The following XRCC1 variants were observed in gnomAD, a reference collection of about 807,000 sequenced individuals.
XRCC1 encodes the protein DNA repair protein XRCC1.
Under a neutral mutation model 83.3 loss-of-function variants are expected in XRCC1, and 52 were observed. The observed-to-expected ratio is 0.62, with a 90% confidence interval of 0.50 to 0.79. The LOEUF is 0.79. Ranked by LOEUF, XRCC1 falls within the 30% of genes least tolerant of loss-of-function variation. The pLI, the probability that XRCC1 is intolerant of heterozygous loss-of-function variation, is 0.00. For missense variants in XRCC1, 793 were observed against 823.5 expected (o/e 0.96, Z 0.45); for synonymous variants, 281 against 312.6 (o/e 0.90, Z 1.07).
chr19:43,571,423 C>T (rs1291486612), intron 2 of XRCC1, among the ~76,000 whole-genome samples: 1 of 152,338 alleles, frequency 6.6e-6, no homozygotes, highest in African/African-American at 2.4e-5. Flanking sequence ...TAAGTTCCTC[C>T]ATAGCACTCA....
At position 43,554,740 on chromosome 19, in the gene XRCC1, C is replaced by T. The variant is rs2228487; in HGVS notation, c.320G>A (p.Arg107His). The change falls in exon 4 of 17, where the codon CGC becomes CAC. Residue 107 changes from arginine (R) to histidine (H), a missense_variant. Physicochemically the swap from Arg to His is conservative, Grantham distance 29 (BLOSUM62 0). Transcript: ENST00000262887. ...SESRSGSNPN[R>H]VRMFGPDKLV... ...CTTGTCAGGCCCAAACATGCGAACGCGGTTGGGGTTTGAGCCACTGCGGCT... is the reference window on the plus strand; with the variant it reads ...CTTGTCAGGCCCAAACATGCGAACGTGGTTGGGGTTTGAGCCACTGCGGCT... 487 of 1,613,964 alleles carry T rather than the reference C, an allele frequency of 3.0e-4. 3 individuals carry two copies. In the South Asian group the frequency reaches 3.9e-3, roughly 13 times the overall value.
intron 6 of XRCC1, 52 bp from the exon 7 acceptor site, chr19:43,553,143 T>C: frequency 6.6e-7 from 1 of 1,510,990 alleles, no homozygotes. Context: ...CCCAAGACCC[T>C]TTCACTCCTA....
chr19:43,557,749 A>C lies in XRCC1; in HGVS notation c.256-2945T>G, dbSNP rs186512505. ...GGAGGTTGCAGTGAACCGAGATTGC[A>C]CCACTGCACTCCAGCCTGGGCAACA... On this transcript the variant is annotated intron_variant, in intron 3 of 16. Coordinates refer to ENST00000262887, the MANE Select transcript of XRCC1 (RefSeq NM_006297.3). Among the ~76,000 whole-genome samples, 364 of 135,290 alleles carry C rather than the reference A, an allele frequency of 2.7e-3. 2 individuals are homozygous for C. The highest frequency in any genetic ancestry group is 9.6e-3 in the African/African-American group (342 of 35,712). 88.8% of individuals were successfully genotyped at this position (135,290 alleles called of 152,430 possible). A position where few individuals can be genotyped will look rare whatever the true frequency, so the allele number is the denominator to read the frequency against.
intron 10 of XRCC1, 79 bp downstream of exon 10, chr19:43,551,492 G>A (rs3213368): frequency 0.075 from 94,739 of 1,268,608 alleles, 4,501 homozygotes; most frequent in Admixed American, 0.19. Flanking sequence ...CCGCTGGCAG[G>A]CCCCAGTCTG....
At chr19:43,557,307 CAAAAAAAAAAAA>C (rs33984597) in intron 3 of XRCC1, among the ~76,000 whole-genome samples, 1 of 77,866 alleles carries the variant, frequency 1.3e-5, no homozygotes, top group Non-Finnish European at 2.3e-5. Context: ...GACTCCGTCT[CAAAAAAAAAAAA>C]AAAAAAAAAA....
In XRCC1 at chr19:43,553,331, C is replaced by A. The variant is rs1281133710; in HGVS notation, c.601+70G>T. 2.6e-6 allele frequency: 4 copies of A among 1,543,954 alleles called. No individual in the cohort carries two copies. The East Asian group carries it at 6.8e-5, about 26-fold the overall frequency. ...GACCCAGGAATCTGAGCCCCAGCCC[C>A]CTCTACCCTCAGACCCACGAGTCTA... is the stretch of plus-strand genomic sequence containing the variant. On this transcript the variant is annotated intron_variant, in intron 6 of 16. Coordinates refer to ENST00000262887, the MANE Select transcript of XRCC1 (RefSeq NM_006297.3).
chr19:43,546,201 C>G, intron 12 of XRCC1, 95 bp from the exon 13 acceptor site: 1 of 1,433,864 alleles, frequency 7.0e-7, no homozygotes, highest in Non-Finnish European at 9.8e-7. Flanking sequence ...ATCTCATGCC[C>G]CCAGCCTCAA....
intron 15 of XRCC1, 100 bp from the exon 16 acceptor site, chr19:43,543,787 A>C (rs1600038936): frequency 1.8e-6 from 2 of 1,125,454 alleles, no homozygotes; most frequent in South Asian, 1.4e-5. Flanking sequence ...CACTGTCCCC[A>C]CCTATGCGCC....
Position 43,543,515 on chromosome 19 carries a change from G to C in XRCC1, c.1789-10C>G, listed in dbSNP as rs777661657. ...GGTTGTCCATCAGGGCCTGCAGGGT[G>C]GGGTGGAGTCCATACGGGAATGTGT... On this transcript the variant is annotated splice_polypyrimidine_tract_variant and intron_variant, in intron 16 of 16. Transcript: ENST00000262887. 6.8e-6 allele frequency: 11 copies of C among 1,613,696 alleles called. No homozygotes were observed. Among genetic ancestry groups the C allele is most frequent in the Non-Finnish European group, 9.3e-6 (11 of 1,179,748 alleles).
At position 43,568,374 on chromosome 19, in the gene XRCC1, G is replaced by A. The variant is rs3213284; in HGVS notation, c.144+6536C>T. ...TAGCCAAGCCTGGTGGCATGTGCCCGTAATCCCAGCTACTAGGGAGATTGA... is the reference window on the plus strand; with the variant it reads ...TAGCCAAGCCTGGTGGCATGTGCCCATAATCCCAGCTACTAGGGAGATTGA... On this transcript the variant is annotated intron_variant, in intron 2 of 16. Coordinates refer to ENST00000262887, the MANE Select transcript of XRCC1 (RefSeq NM_006297.3). 1.6e-4 allele frequency among the ~76,000 whole-genome samples: 24 copies of A among 152,084 alleles called. No individual in the cohort carries two copies. The East Asian group carries it at 3.9e-3, about 25-fold the overall frequency.
In XRCC1 at chr19:43,559,211, C is replaced by T. The variant is rs148942769; in HGVS notation, c.255+1699G>A. Among the ~76,000 whole-genome samples, 681 of 151,660 alleles carry T rather than the reference C, an allele frequency of 4.5e-3. 1 individual carries two copies. The highest frequency in any genetic ancestry group is 0.021 in the Middle Eastern group (6 of 292). ...AAAAGATACAGAAAAGGGCCGGGTG[C>T]GGTGGCTCACACCTGTAATCCCAGC... On this transcript the variant is annotated intron_variant, in intron 3 of 16. Transcript: ENST00000262887.
At chr19:43,555,890 T>C (rs1267909449) in intron 3 of XRCC1, among the ~76,000 whole-genome samples, 2 of 152,116 alleles carry the variant, frequency 1.3e-5, no homozygotes, top group African/African-American at 2.4e-5. Context: ...ATTTTATTTA[T>C]TATTATTATT....
rs3213292 is a variant in XRCC1, at chr19:43,566,328, T to C, written c.145-5308A>G. Among the ~76,000 whole-genome samples, 287 of 148,334 alleles carry C rather than the reference T, an allele frequency of 1.9e-3. 2 individuals carry two copies. The highest frequency in any genetic ancestry group is 6.6e-3 in the African/African-American group (265 of 40,084). ...TTGGCAGATCACAAGGTCAGGAGAG[T>C]TCAAGACCAGGCTGGCCAAGAGGGT... On this transcript the variant is annotated intron_variant, in intron 2 of 16. Transcript: ENST00000262887.
At chr19:43,552,470 C>A (rs1972590137) in intron 8 of XRCC1, among the ~76,000 whole-genome samples, 195 bp from the exon 9 acceptor site, 1 of 149,916 alleles carries the variant, frequency 6.7e-6, no homozygotes, top group African/African-American at 2.5e-5. Context: ...AGTCCAGGCC[C>A]CCAGCCCCTC....
chr19:43,552,022 G>A lies in XRCC1; in HGVS notation c.1077C>T (p.His359=). Residue 359 remains histidine, a synonymous_variant, in exon 9 of 17, where the codon CAC becomes CAT. Coordinates refer to ENST00000262887, the MANE Select transcript of XRCC1 (RefSeq NM_006297.3). The part of the protein sequence containing the change: ...YRPDWTRDST[H]LICAFANTPK... ...GGAGGGGGGCGCAAGCCTACATGAG[G>A]TGCGTGCTGTCCCGGGTCCAGTCTG... The A allele has an allele frequency of 1.4e-5, 22 of 1,613,964 alleles. No individual in the cohort carries two copies. The highest frequency in any genetic ancestry group is 2.2e-5 in the South Asian group (2 of 91,084).
intron 2 of XRCC1, among the ~76,000 whole-genome samples, chr19:43,566,262 G>A (rs892542498): frequency 2.7e-5 from 4 of 150,696 alleles, no homozygotes; most frequent in African/African-American, 9.8e-5. Flanking sequence ...GCCAGGCACG[G>A]TGGCTCAGGC....
intron 10 of XRCC1, among the ~76,000 whole-genome samples, chr19:43,548,163 G>A (rs1384374211): frequency 1.4e-5 from 2 of 141,806 alleles, no homozygotes; most frequent in East Asian, 2.1e-4. Context: ...GGTGGGGGGC[G>A]CCTCCGCCCG....
rs745996672 is a variant in XRCC1, at chr19:43,553,419, T to TCCGGCTGAAGAAGAGAGCCC, written c.563_582dup (p.Ile195GlyfsTer45). ...AGCTCACCTGGGGATGTCTTGTTGA[T>TCCGGCTGAAGAAGAGAGCCC]CCGGCTGAAGAAGAGAGCCCCCGGC... On this transcript the variant is annotated frameshift_variant, in exon 6 of 17. Coordinates refer to ENST00000262887, the MANE Select transcript of XRCC1 (RefSeq NM_006297.3). LOFTEE classifies it high-confidence loss of function. 14 of 1,614,156 alleles carry TCCGGCTGAAGAAGAGAGCCC rather than the reference T, an allele frequency of 8.7e-6. No homozygotes were observed. Among genetic ancestry groups the TCCGGCTGAAGAAGAGAGCCC allele is most frequent in the Non-Finnish European group, 1.1e-5 (13 of 1,180,028 alleles).
chr19:43,548,203 G>A (rs1488436627), intron 10 of XRCC1, among the ~76,000 whole-genome samples: 5 of 151,596 alleles, frequency 3.3e-5, no homozygotes, highest in South Asian at 4.2e-4. Context: ...GGTGGGGGGC[G>A]CCTCTGCCCG....
Sources: allele counts gnomAD v4.1 joint callset (sites outside exome capture counted in the v4.1 genomes callset), GRCh38; gene constraint gnomAD v4.1.1; transcripts MANE v1.5; gene names NCBI Gene and HGNC (gene_info 2026-07-23, HGNC 2026-07-21).